The following BUD13 variants were observed in gnomAD, a reference collection of about 807,000 sequenced individuals.
BUD13 encodes BUD13 spliceosome associated protein, also known as BUD13 homolog.
In BUD13, 47 loss-of-function variants were observed where a neutral mutation model predicts 62.5. The observed-to-expected ratio is 0.75, with a 90% CI of 0.60 to 0.96. The LOEUF (loss-of-function observed/expected upper bound fraction) is 0.96, where lower values mean the gene tolerates loss of function less well. Ranked by LOEUF, BUD13 falls within the 40% of genes least tolerant of loss-of-function variation. The pLI is 0.00. For missense variants in BUD13, 821 were observed against 790.9 expected (o/e 1.04, Z -0.46); for synonymous variants, 293 against 280.1 (o/e 1.05, Z -0.46).
intron 2 of BUD13, among the ~76,000 whole-genome samples, chr11:116,766,672 A>G (rs1181898771): frequency 6.6e-6 from 1 of 152,264 alleles, no homozygotes; most frequent in African/African-American, 2.4e-5. Context: ...TGCTTGGTAC[A>G]TGATAAATGC....
chr11:116,755,184 A>C (rs139139185), intron 9 of BUD13, among the ~76,000 whole-genome samples: 1 of 152,352 alleles, frequency 6.6e-6, no homozygotes, highest in African/African-American at 2.4e-5. Context: ...TATTAAATGG[A>C]AATAGCTCAA....
At chr11:116,764,583 C>T (rs568424494) in intron 3 of BUD13, among the ~76,000 whole-genome samples, 1 of 152,144 alleles carries the variant, frequency 6.6e-6, no homozygotes, top group Non-Finnish European at 1.5e-5. Flanking sequence ...ATGTGTGTGT[C>T]TGTGTGTCTT....
chr11:116,751,605 G>A (rs908132213), intron 9 of BUD13, among the ~76,000 whole-genome samples: 1 of 151,808 alleles, frequency 6.6e-6, no homozygotes, highest in African/African-American at 2.4e-5. Context: ...ACTCCAGCCT[G>A]AGCAACAAGA....
In BUD13 at chr11:116,772,871, G is replaced by A; in HGVS notation, c.94C>T (p.Arg32Cys). Reference sequence around the variant, plus strand: ...TTCGGCCGCTTTTTGCGACGCTTGCGACCGGACTCAGATCCCCGGTCGACG... The same window carrying A: ...TTCGGCCGCTTTTTGCGACGCTTGCAACCGGACTCAGATCCCCGGTCGACG... Reference protein sequence around the residue: ...AGVDRGSESGRKRRKKRPKPG... With the variant: ...AGVDRGSESGCKRRKKRPKPG... The change falls in exon 1 of 10, where the codon CGC becomes TGC. Residue 32 changes from arginine to cysteine, a missense_variant. Transcript: ENST00000260210. 6.3e-7 allele frequency: 1 copy of A among 1,591,400 alleles called. No individual in the cohort carries two copies. Among genetic ancestry groups the A allele is most frequent in the African/African-American group, 1.4e-5 (1 of 73,406 alleles).
intron 9 of BUD13, among the ~76,000 whole-genome samples, chr11:116,754,315 G>A (rs1380434144): frequency 1.3e-5 from 2 of 152,114 alleles, no homozygotes; most frequent in Non-Finnish European, 2.9e-5. Context: ...CCAAAATGTT[G>A]GGATTACAGG....
intron 9 of BUD13, among the ~76,000 whole-genome samples, chr11:116,756,384 C>T (rs1591296836): frequency 2.0e-5 from 3 of 151,576 alleles, no homozygotes; most frequent in Admixed American, 6.6e-5. Flanking sequence ...TGGCAGCGGG[C>T]GCCGGTAATC....
chr11:116,762,083 T>TA (rs1417750971), intron 4 of BUD13, among the ~76,000 whole-genome samples: 1 of 152,190 alleles, frequency 6.6e-6, no homozygotes, highest in Non-Finnish European at 1.5e-5. Context: ...TAAACACTAT[T>TA]AAAAATTATA....
At chr11:116,754,239 G>T (rs1940288101) in intron 9 of BUD13, among the ~76,000 whole-genome samples, 1 of 152,138 alleles carries the variant, frequency 6.6e-6, no homozygotes, top group Non-Finnish European at 1.5e-5. Flanking sequence ...TAGAGACAGG[G>T]TTTTGCCATG....
In BUD13 at chr11:116,758,380, A is replaced by G; in HGVS notation, c.1388T>C (p.Phe463Ser). 1 of 1,614,150 alleles carries G rather than the reference A, an allele frequency of 6.2e-7. No individual in the cohort carries two copies. The highest frequency in any genetic ancestry group is 1.1e-5 in the South Asian group (1 of 91,082). The change falls in exon 7 of 10, where the codon TTT becomes TCT. Residue 463 changes from phenylalanine to serine, a missense_variant. Around this residue, in one of 2 missense-constraint regions of BUD13, gnomAD observed 800 missense variants for 739.2 expected, o/e 1.08. Coordinates refer to ENST00000260210, the MANE Select transcript of BUD13 (RefSeq NM_032725.4). ...EAEFQYAETV[F>S]RDKSGRKRNL... ...CCTCTTACGACCAGACTTATCTCGA[A>G]ATACGGTTTCAGCATATTGAAATTC...
intron 9 of BUD13, among the ~76,000 whole-genome samples, chr11:116,756,447 G>A (rs576958245): frequency 7.2e-5 from 11 of 152,072 alleles, no homozygotes. Flanking sequence ...AGGAGGCAGA[G>A]GTTGCAGTGA....
In BUD13 at chr11:116,757,107, T is replaced by A. The variant is rs577026319; in HGVS notation, c.1766+39A>T. 3.8e-5 allele frequency: 60 copies of A among 1,589,376 alleles called. No homozygotes were observed. The South Asian group carries it at 6.4e-4, about 17-fold the overall frequency. On this transcript the variant is annotated intron_variant, in intron 9 of 9. Transcript: ENST00000260210. ...CAACTTACGAGTGGTTAGGGAAGGT[T>A]ACAGTCAGGTAGAAAATGTAAGAAA...
chr11:116,770,601 T>TCTC lies in BUD13; in HGVS notation c.144-382_144-380dup, dbSNP rs547860023. Among the ~76,000 whole-genome samples the TCTC allele has an allele frequency of 4.0e-4, 61 of 152,032 alleles. 1 individual carries two copies. In the East Asian group the frequency reaches 0.012, roughly 29 times the overall value. On this transcript the variant is annotated intron_variant, in intron 1 of 9. Transcript: ENST00000260210. ...GCTCTGCCTCCCGGGTTCACACCAT[T>TCTC]CTCCTGCCTCAGCCTCCTGAGTAGC...
chr11:116,764,129 A>G (rs1361820907), intron 3 of BUD13, among the ~76,000 whole-genome samples: 2 of 152,256 alleles, frequency 1.3e-5, no homozygotes, highest in African/African-American at 2.4e-5. Context: ...AAGTTAAAAT[A>G]CATAGTTTGA....
intron 9 of BUD13, among the ~76,000 whole-genome samples, chr11:116,754,379 T>C (rs1401412733): frequency 2.0e-5 from 3 of 152,210 alleles, no homozygotes; most frequent in Non-Finnish European, 4.4e-5. Context: ...TATTACAGTA[T>C]ATTATCTGAC....
chr11:116,770,056 C>CAAA (rs34855544), intron 2 of BUD13, 73 bp downstream of exon 2: 9,042 of 849,610 alleles, frequency 0.011, 4 homozygotes, highest in Middle Eastern at 0.021. Flanking sequence ...GACTCCGTCT[C>CAAA]AAAAAAAAAA....
At position 116,757,890 on chromosome 11, in the gene BUD13, C is replaced by T. The variant is rs1940358936; in HGVS notation, c.1560G>A (p.Lys520=). The change falls in exon 8 of 10, where the codon AAG becomes AAA. Residue 520 remains lysine, a synonymous_variant. Transcript: ENST00000260210. The stretch of plus-strand genomic sequence containing the variant: ...CGTCATCAATATAGCGGGCCAGAGG[C>T]TTTTGCATCTCTTTCATTGCATCCT... ...NVEDAMKEMQ[K]PLARYIDDED... 1 of 1,614,204 alleles carries T rather than the reference C, an allele frequency of 6.2e-7. No individual in the cohort carries two copies.
Position 116,770,234 on chromosome 11 carries a change from TAAG to T in BUD13, c.144-15_144-13del, listed in dbSNP as rs1565316644. ...CCACAATCCGCATTCTAAATGAGAA[TAAG>T]AAGATCAAAAAGAGTCATTCTAGGA... On this transcript the variant is annotated splice_polypyrimidine_tract_variant and intron_variant, in intron 1 of 9. Transcript: ENST00000260210. 4 of 1,597,382 alleles carry T rather than the reference TAAG, an allele frequency of 2.5e-6. No individual in the cohort carries two copies. The highest frequency in any genetic ancestry group is 3.4e-6 in the Non-Finnish European group (4 of 1,173,502).
intron 3 of BUD13, among the ~76,000 whole-genome samples, chr11:116,764,214 C>T (rs1246240406): frequency 6.6e-6 from 1 of 152,204 alleles, no homozygotes; most frequent in Non-Finnish European, 1.5e-5. Context: ...CCAGTTCTTC[C>T]TCTACCTCTA....
rs748412127 is a variant in BUD13, at chr11:116,758,441, CA to C, written c.1361-35del. 2.3e-5 allele frequency: 37 copies of C among 1,609,510 alleles called. 1 individual carries two copies. The Admixed American group carries it at 6.2e-4, about 27-fold the overall frequency. On this transcript the variant is annotated intron_variant, in intron 6 of 9. Transcript: ENST00000260210. ...GAAAATTATACTCAAATATCAGGAT[CA>C]AAATCAGAAATAACATTCTAAGAGA...
Sources: allele counts gnomAD v4.1 joint callset (sites outside exome capture counted in the v4.1 genomes callset), GRCh38; gene constraint gnomAD v4.1.1; regional missense constraint gnomAD v4.1.1; transcripts MANE v1.5; gene names NCBI Gene and HGNC (gene_info 2026-07-23, HGNC 2026-07-21).